NF2: variants seen among roughly 807,000 people sequenced by gnomAD.
NF2 encodes merlin.
A neutral mutation model predicts 83.7 loss-of-function variants in NF2; 8 were observed. That is an observed-to-expected ratio of 0.10 (90% CI 0.06 to 0.17). The LOEUF (loss-of-function observed/expected upper bound fraction) is 0.17, where lower values mean the gene tolerates loss of function less well. Among genes scored for constraint, NF2 ranks in the 10% least tolerant of loss-of-function variants. The pLI, the probability that NF2 is intolerant of heterozygous loss-of-function variation, is 1.00. For synonymous variants in NF2, 266 were observed against 269.6 expected, an observed-to-expected ratio of 0.99 and a Z score of 0.13; for missense variants, 533 against 744.4, an observed-to-expected ratio of 0.72 and a Z score of 3.31.
At chr22:29,613,685 TG>T (rs1219161847) in intron 1 of NF2, among the ~76,000 whole-genome samples, 2 of 151,888 alleles carry the variant, frequency 1.3e-5, no homozygotes, top group African/African-American at 4.8e-5. Context: ...GACCATTCAG[TG>T]GGGGAGAACT....
chr22:29,675,069 G>A, intron 13 of NF2, 128 bp downstream of exon 13: 1 of 773,714 alleles, frequency 1.3e-6, no homozygotes. Flanking sequence ...TGGATGAGAG[G>A]TGCAGAGAGC....
intron 9 of NF2, among the ~76,000 whole-genome samples, chr22:29,665,401 G>A (rs1200689294): frequency 2.6e-5 from 4 of 151,944 alleles, no homozygotes; most frequent in Non-Finnish European, 5.9e-5. Context: ...GAGACACCAT[G>A]CCCAGCTAAT....
At chr22:29,617,035 T>A (rs923683850) in intron 1 of NF2, among the ~76,000 whole-genome samples, 1 of 152,082 alleles carries the variant, frequency 6.6e-6, no homozygotes, top group Admixed American at 6.5e-5. Flanking sequence ...CTCAAGCGAT[T>A]CTTCTGCCTC....
chr22:29,680,763 G>A (rs538445494), intron 14 of NF2, among the ~76,000 whole-genome samples: 12 of 152,226 alleles, frequency 7.9e-5, no homozygotes, highest in Admixed American at 2.6e-4. Context: ...AAGAGATCAC[G>A]TGAAGCTGGG....
At chr22:29,624,819 TTCTTTC>T (rs2065307945) in intron 1 of NF2, among the ~76,000 whole-genome samples, 1 of 129,774 alleles carries the variant, frequency 7.7e-6, no homozygotes. Context: ...CTTTCTTTCT[TTCTTTC>T]TTTCTTTCTT....
intron 6 of NF2, 132 bp from the exon 7 acceptor site, chr22:29,658,057 C>G: frequency 1.3e-6 from 1 of 764,074 alleles, no homozygotes; most frequent in Middle Eastern, 3.5e-4. Context: ...CTGGTGTCTG[C>G]TGTGGCTTTT....
At chr22:29,630,560 G>A (rs2065481544) in intron 1 of NF2, among the ~76,000 whole-genome samples, 1 of 152,224 alleles carries the variant, frequency 6.6e-6, no homozygotes, top group African/African-American at 2.4e-5. Flanking sequence ...TAGTCTCTAT[G>A]CCTGAAGGGC....
At chr22:29,664,941 A>G in intron 8 of NF2, 49 bp from the exon 9 acceptor site, 2 of 1,363,484 alleles carry the variant, frequency 1.5e-6, no homozygotes, top group Non-Finnish European at 2.1e-6. Flanking sequence ...AATTGCTGGT[A>G]ACATTCCAGG....
chr22:29,664,922 G>A, intron 8 of NF2, 68 bp from the exon 9 acceptor site: 2 of 1,184,410 alleles, frequency 1.7e-6, no homozygotes, highest in East Asian at 4.8e-5. Flanking sequence ...GCGCATTTGT[G>A]GAATTTCCAA....
At chr22:29,642,714 C>T (rs754208478) in intron 4 of NF2, among the ~76,000 whole-genome samples, 7 of 151,890 alleles carry the variant, frequency 4.6e-5, no homozygotes, top group Non-Finnish European at 8.8e-5. Flanking sequence ...TTATGGTCTC[C>T]AATTTTAGCC....
intron 4 of NF2, among the ~76,000 whole-genome samples, chr22:29,648,302 T>C (rs1352272846): frequency 6.6e-6 from 1 of 152,190 alleles, no homozygotes; most frequent in Non-Finnish European, 1.5e-5. Context: ...ACATGCACTT[T>C]ATAGAAGAGA....
chr22:29,633,669 T>C (rs2065574360), intron 1 of NF2, among the ~76,000 whole-genome samples: 1 of 152,220 alleles, frequency 6.6e-6, no homozygotes, highest in South Asian at 2.1e-4. Context: ...TGGAGCCCCA[T>C]TCCCGCCATG....
At chr22:29,674,729 G>A in intron 12 of NF2, 107 bp from the exon 13 acceptor site, 2 of 886,248 alleles carry the variant, frequency 2.3e-6, no homozygotes, top group Non-Finnish European at 1.8e-6. Flanking sequence ...CTCTTTGGGT[G>A]CCATCCTCAG....
intron 1 of NF2, among the ~76,000 whole-genome samples, chr22:29,632,724 C>T (rs962263089): frequency 2.6e-5 from 4 of 152,152 alleles, no homozygotes; most frequent in Admixed American, 6.5e-5. Flanking sequence ...GTCCACAGTC[C>T]GTCCTGTGGA....
chr22:29,642,490 A>G (rs554475568), intron 4 of NF2, among the ~76,000 whole-genome samples: 237 of 151,414 alleles, frequency 1.6e-3, no homozygotes, highest in African/African-American at 5.2e-3. Flanking sequence ...GTGTGTGTGT[A>G]TGTGTGTGTG....
chr22:29,668,253 C>A, intron 9 of NF2, 80 bp from the exon 10 acceptor site: 1 of 994,544 alleles, frequency 1.0e-6, no homozygotes, highest in Non-Finnish European at 1.6e-6. Flanking sequence ...AGAGCTCAAA[C>A]TGCTATGGCA....
intron 1 of NF2, among the ~76,000 whole-genome samples, chr22:29,634,454 A>T (rs1569278847): frequency 6.6e-6 from 1 of 152,214 alleles, no homozygotes; most frequent in East Asian, 1.9e-4. Flanking sequence ...TGGAGAATTT[A>T]AACTCCCATG....
intron 1 of NF2, among the ~76,000 whole-genome samples, chr22:29,618,613 A>G (rs1405724805): frequency 1.3e-5 from 2 of 152,192 alleles, no homozygotes; most frequent in Non-Finnish European, 2.9e-5. Flanking sequence ...CGGCTATGTT[A>G]TTTCTTATCT....
chr22:29,683,441 CT>C (rs1391443796), intron 15 of NF2: 1 of 1,246,178 alleles, frequency 8.0e-7, no homozygotes, highest in African/African-American at 1.5e-5. Flanking sequence ...AATCTGGGCA[CT>C]TTGGAGACTG....
Sources: gnomAD v4.1 joint callset for allele counts (sites outside exome capture counted in the v4.1 genomes callset) on GRCh38, gnomAD v4.1.1 for gene constraint, MANE v1.5 for transcripts, NCBI Gene and HGNC (gene_info 2026-07-23, HGNC 2026-07-21) for gene names.